Variants in PPM1H observed in about 807,000 individuals in gnomAD.
The protein encoded by PPM1H is protein phosphatase 1H.
A neutral mutation model predicts 54.9 loss-of-function variants in PPM1H; 27 were observed. The observed-to-expected ratio is 0.49, with a 90% CI of 0.36 to 0.68. The LOEUF (loss-of-function observed/expected upper bound fraction) is 0.68. Among genes scored for constraint, PPM1H ranks in the 30% least tolerant of loss-of-function variants. PPM1H has a pLI of 0.00. For missense variants in PPM1H, 596 were observed against 667.8 expected, an observed-to-expected ratio of 0.89 and a Z score of 1.19; for synonymous variants, 305 against 270.8, an observed-to-expected ratio of 1.13 and a Z score of -1.24.
At chr12:62,732,534 A>G (rs986467203) in intron 5 of PPM1H, among the ~76,000 whole-genome samples, 21 of 152,002 alleles carry the variant, frequency 1.4e-4, no homozygotes, top group Admixed American at 9.8e-4. Flanking sequence ...CATCTGCTCA[A>G]TGCAAGTGGC....
At chr12:62,898,141 T>G (rs1046970592) in intron 1 of PPM1H, among the ~76,000 whole-genome samples, 1 of 152,212 alleles carries the variant, frequency 6.6e-6, no homozygotes, top group Non-Finnish European at 1.5e-5. Flanking sequence ...ATGGTGGCAA[T>G]AAACACTTCT....
intron 1 of PPM1H, among the ~76,000 whole-genome samples, chr12:62,917,859 T>C (rs187529432): frequency 1.8e-4 from 28 of 152,306 alleles, no homozygotes; most frequent in Non-Finnish European, 3.5e-4. Flanking sequence ...ACACCATACT[T>C]GGTTTTTCGT....
intron 1 of PPM1H, among the ~76,000 whole-genome samples, chr12:62,910,157 T>G (rs1592666851): frequency 6.6e-6 from 1 of 152,008 alleles, no homozygotes; most frequent in East Asian, 1.9e-4. Context: ...GACAGCAGGT[T>G]GGAGAAAATG....
chr12:62,706,114 C>T (rs2076172846), intron 6 of PPM1H, among the ~76,000 whole-genome samples: 2 of 152,202 alleles, frequency 1.3e-5, no homozygotes, highest in Admixed American at 1.3e-4. Context: ...CACCCAAGTG[C>T]CTTTGAACTG....
intron 1 of PPM1H, among the ~76,000 whole-genome samples, chr12:62,855,868 G>A (rs900549357): frequency 1.3e-5 from 2 of 152,180 alleles, no homozygotes; most frequent in East Asian, 3.8e-4. Context: ...CTCAAACAAA[G>A]GGACATAGTT....
intron 1 of PPM1H, chr12:62,840,051 C>CAGAGAGAGAGAGAGAGAGAGAGAGAGAG (rs202055824): frequency 7.7e-6 from 1 of 130,400 alleles, no homozygotes; most frequent in Admixed American, 7.7e-5. Flanking sequence ...TCTAGAGAGA[C>CAGAGAGAGAGAGAGAGAGAGAGAGAGAG]AGAGAGAGAG....
intron 6 of PPM1H, among the ~76,000 whole-genome samples, chr12:62,713,613 A>G (rs1366938369): frequency 1.3e-5 from 2 of 152,212 alleles, no homozygotes; most frequent in Non-Finnish European, 2.9e-5. Context: ...CAGAGGCACC[A>G]GAGGCCGGTG....
intron 2 of PPM1H, among the ~76,000 whole-genome samples, chr12:62,802,646 C>T (rs1694788749): frequency 6.6e-6 from 1 of 152,010 alleles, no homozygotes; most frequent in Non-Finnish European, 1.5e-5. Context: ...TCACTGCAAC[C>T]TCCACCGCCC....
At chr12:62,865,663 A>AT (rs1200740733) in intron 1 of PPM1H, among the ~76,000 whole-genome samples, 1 of 151,842 alleles carries the variant, frequency 6.6e-6, no homozygotes, top group African/African-American at 2.4e-5. Flanking sequence ...CGTCCTGCTA[A>AT]TTTTTTTTAT....
In PPM1H at chr12:62,644,938, A is replaced by G. The variant is rs1398500733; in HGVS notation, c.*3551T>C. On this transcript the variant is annotated 3_prime_UTR_variant, in exon 10 of 10. Transcript: ENST00000228705. ...ACTAACTTACTGAAAATAGAATCTC[A>G]TCAAAGCTTAACATATTCACTCTGA... 6.6e-6 allele frequency: 1 copy of G among 152,236 alleles called. No individual in the cohort carries two copies. The allele number at this position is 152,236 out of a possible 1,614,324, so 9.4% of individuals were successfully genotyped here.
chr12:62,724,085 A>G (rs924531475), intron 5 of PPM1H, among the ~76,000 whole-genome samples: 1 of 152,158 alleles, frequency 6.6e-6, no homozygotes, highest in Non-Finnish European at 1.5e-5. Flanking sequence ...ATGCTGAACA[A>G]ACAGGCCTTG....
chr12:62,834,491 T>C (rs560008234), intron 1 of PPM1H, among the ~76,000 whole-genome samples: 1 of 152,160 alleles, frequency 6.6e-6, no homozygotes, highest in African/African-American at 2.4e-5. Context: ...CTTCCTATTG[T>C]GCCCTGGGGA....
rs770965302 is a variant in PPM1H at position 62,802,080 on chromosome 12, G to A, written c.492C>T (p.Arg164=). ...AGSGAAVVAS[R]LLQHHITEQL... ...GCTCCGTGATGTGGTGCTGCAGCAG[G>A]CGTGACGCCACCACCGCGGCCCCGG... Residue 164 remains arginine (R), a synonymous_variant, in exon 3 of 10, where the codon CGC becomes CGT. Transcript: ENST00000228705. 3 of 1,612,214 alleles carry A rather than the reference G, an allele frequency of 1.9e-6. No individual in the cohort carries two copies. The highest frequency in any genetic ancestry group is 1.7e-6 in the Non-Finnish European group (2 of 1,179,158).
intron 2 of PPM1H, 108 bp from the exon 3 acceptor site, chr12:62,802,268 C>T (rs1045464887): frequency 8.5e-6 from 7 of 827,750 alleles, no homozygotes; most frequent in Middle Eastern, 3.6e-4. Flanking sequence ...GGTTGTCTGT[C>T]GTCTGCAAAC....
At chr12:62,811,220 G>A (rs561536111) in intron 2 of PPM1H, among the ~76,000 whole-genome samples, 10 of 152,232 alleles carry the variant, frequency 6.6e-5, no homozygotes, top group Non-Finnish European at 1.2e-4. Flanking sequence ...ATCTATGCAC[G>A]CATTAAAATT....
intron 1 of PPM1H, among the ~76,000 whole-genome samples, chr12:62,853,764 T>A (rs809545): frequency 1.3e-5 from 2 of 152,130 alleles, no homozygotes; most frequent in African/African-American, 4.8e-5. Context: ...CCACAATATA[T>A]GCAAGGGGAA....
chr12:62,771,021 TAA>T (rs1359738437), intron 4 of PPM1H, among the ~76,000 whole-genome samples: 1 of 146,956 alleles, frequency 6.8e-6, no homozygotes, highest in Admixed American at 6.9e-5. Flanking sequence ...ACTTCACAGC[TAA>T]GTCTTGCAGG....
intron 1 of PPM1H, among the ~76,000 whole-genome samples, chr12:62,856,556 A>C (rs1426777026): frequency 6.6e-6 from 1 of 152,170 alleles, no homozygotes; most frequent in Non-Finnish European, 1.5e-5. Flanking sequence ...CTCATTTTCA[A>C]GCTAGATGAA....
At chr12:62,753,668 G>C (rs1159810815) in intron 4 of PPM1H, among the ~76,000 whole-genome samples, 1 of 152,204 alleles carries the variant, frequency 6.6e-6, no homozygotes, top group Non-Finnish European at 1.5e-5. Flanking sequence ...ATCTCTCTCT[G>C]CTTCCATTTT....
Sources: allele counts gnomAD v4.1 joint callset (sites outside exome capture counted in the v4.1 genomes callset), GRCh38; gene constraint gnomAD v4.1.1; transcripts MANE v1.5; gene names NCBI Gene and HGNC (gene_info 2026-07-23, HGNC 2026-07-21).